The following MTSS1 variants were observed in gnomAD, a reference collection of about 807,000 sequenced individuals.
MTSS1 encodes the protein protein MTSS 1.
A neutral mutation model predicts 79.0 loss-of-function variants in MTSS1; 18 were observed. The ratio of observed to expected loss-of-function variants is 0.23; its 90% CI spans 0.16 to 0.34. The LOEUF is 0.34. Among genes scored for constraint, MTSS1 ranks in the 10% least tolerant of loss-of-function variants. The probability of loss-of-function intolerance (pLI) is 1.00; values close to 1 mark genes in which losing one functional copy is unlikely to be tolerated. For missense variants in MTSS1, 815 were observed against 986.2 expected, an observed-to-expected ratio of 0.83 and a Z score of 2.33; for synonymous variants, 341 against 368.6, an observed-to-expected ratio of 0.93 and a Z score of 0.86.
intron 3 of MTSS1, among the ~76,000 whole-genome samples, chr8:124,643,254 C>T (rs1428857378): frequency 1.3e-5 from 2 of 152,252 alleles, no homozygotes; most frequent in African/African-American, 2.4e-5. Flanking sequence ...AAAAGATGCA[C>T]AGGAATGCCT....
At chr8:124,668,655 C>T (rs1282590223) in intron 3 of MTSS1, among the ~76,000 whole-genome samples, 1 of 152,146 alleles carries the variant, frequency 6.6e-6, no homozygotes, top group African/African-American at 2.4e-5. Flanking sequence ...TGAACGGGAC[C>T]AGAAAAGAAA....
At chr8:124,715,839 C>T (rs898782921) in intron 1 of MTSS1, among the ~76,000 whole-genome samples, 4 of 152,176 alleles carry the variant, frequency 2.6e-5, no homozygotes, top group African/African-American at 9.7e-5. Context: ...CAGATGTGCT[C>T]ACTGGGTGAC....
intron 13 of MTSS1, among the ~76,000 whole-genome samples, chr8:124,555,422 A>T (rs1323769870): frequency 6.6e-6 from 1 of 151,930 alleles, no homozygotes; most frequent in Non-Finnish European, 1.5e-5. Context: ...ATTTTTTTGT[A>T]TTTTTAGTAG....
At chr8:124,675,774 C>T (rs1587744202) in intron 3 of MTSS1, among the ~76,000 whole-genome samples, 1 of 152,246 alleles carries the variant, frequency 6.6e-6, no homozygotes, top group Admixed American at 6.5e-5. Flanking sequence ...TGTCTCTTGA[C>T]TTTCACTAAC....
At chr8:124,689,521 G>A (rs1185727589) in intron 3 of MTSS1, among the ~76,000 whole-genome samples, 4 of 151,708 alleles carry the variant, frequency 2.6e-5, no homozygotes, top group African/African-American at 7.3e-5. Context: ...TGAGGCAGGC[G>A]GATCACCTGA....
chr8:124,574,785 T>G (rs1185788006), intron 6 of MTSS1, among the ~76,000 whole-genome samples: 1 of 152,180 alleles, frequency 6.6e-6, no homozygotes, highest in Non-Finnish European at 1.5e-5. Flanking sequence ...CCCAAGTCCT[T>G]TCTTTCTTCG....
At chr8:124,665,370 C>T (rs1047804845) in intron 3 of MTSS1, among the ~76,000 whole-genome samples, 1 of 152,240 alleles carries the variant, frequency 6.6e-6, no homozygotes, top group African/African-American at 2.4e-5. Flanking sequence ...GACCTGAGTT[C>T]GTAACATTTC....
intron 6 of MTSS1, chr8:124,568,884 T>G (rs918951912): frequency 2.8e-6 from 4 of 1,413,892 alleles, no homozygotes; most frequent in Non-Finnish European, 3.7e-6. Context: ...TTGCAGAACA[T>G]TCTGAAGAGG....
At chr8:124,701,051 G>C (rs1459703982) in intron 2 of MTSS1, among the ~76,000 whole-genome samples, 2 of 151,930 alleles carry the variant, frequency 1.3e-5, no homozygotes, top group Non-Finnish European at 1.5e-5. Context: ...AACATACTAA[G>C]ACTCCATTCT....
At chr8:124,643,782 A>G (rs1253359158) in intron 3 of MTSS1, among the ~76,000 whole-genome samples, 3 of 151,748 alleles carry the variant, frequency 2.0e-5, no homozygotes, top group African/African-American at 7.3e-5. Context: ...TTAAAATAGT[A>G]TGTACCCATT....
chr8:124,566,708 A>G (rs1033123505), intron 8 of MTSS1, among the ~76,000 whole-genome samples: 3 of 152,212 alleles, frequency 2.0e-5, no homozygotes, highest in African/African-American at 7.2e-5. Flanking sequence ...GAACACAGCA[A>G]TTAAGTGCAT....
intron 3 of MTSS1, among the ~76,000 whole-genome samples, chr8:124,663,284 C>T (rs1342714914): frequency 6.6e-6 from 1 of 152,190 alleles, no homozygotes; most frequent in East Asian, 1.9e-4. Flanking sequence ...CAGACACACA[C>T]GTCCACAGCC....
At chr8:124,578,724 G>A (rs1829464313) in intron 6 of MTSS1, among the ~76,000 whole-genome samples, 1 of 152,120 alleles carries the variant, frequency 6.6e-6, no homozygotes, top group South Asian at 2.1e-4. Flanking sequence ...GAACCCAGGA[G>A]ACGGAGGTTG....
chr8:124,688,216 TGC>T (rs1827306007), intron 3 of MTSS1, among the ~76,000 whole-genome samples: 1 of 152,020 alleles, frequency 6.6e-6, no homozygotes, highest in South Asian at 2.1e-4. Context: ...TGTGTATATA[TGC>T]GTGTGTATGT....
chr8:124,719,768 T>C (rs4870921), intron 1 of MTSS1, among the ~76,000 whole-genome samples: 127,429 of 152,246 alleles, frequency 0.84, 53,410 homozygotes, highest in Admixed American at 0.87. Flanking sequence ...CAGCAGGAGG[T>C]TCTGCCAGGA....
intron 6 of MTSS1, among the ~76,000 whole-genome samples, chr8:124,576,756 C>T (rs1312162574): frequency 1.3e-5 from 2 of 152,176 alleles, no homozygotes; most frequent in African/African-American, 4.8e-5. Context: ...CAACTGCTTC[C>T]CCACCCTGCC....
At chr8:124,576,640 T>C (rs1829009468) in intron 6 of MTSS1, among the ~76,000 whole-genome samples, 1 of 152,176 alleles carries the variant, frequency 6.6e-6, no homozygotes, top group Non-Finnish European at 1.5e-5. Flanking sequence ...AGGACTCATC[T>C]GCAGCAGTCA....
intron 3 of MTSS1, among the ~76,000 whole-genome samples, chr8:124,602,188 CATAT>C: frequency 8.6e-6 from 1 of 116,782 alleles, no homozygotes; most frequent in Admixed American, 8.2e-5. Context: ...CATATATATA[CATAT>C]ATATATATAT....
chr8:124,691,805 C>T (rs780940342), intron 3 of MTSS1, among the ~76,000 whole-genome samples: 10 of 152,132 alleles, frequency 6.6e-5, no homozygotes, highest in South Asian at 4.1e-4. Flanking sequence ...CGTGAGCCAC[C>T]GCATCCGGCT....
Sources: gnomAD v4.1 joint callset for allele counts (sites outside exome capture counted in the v4.1 genomes callset) on GRCh38, gnomAD v4.1.1 for gene constraint, MANE v1.5 for transcripts, NCBI Gene and HGNC (gene_info 2026-07-23, HGNC 2026-07-21) for gene names.